The following CCDC15 variants were observed in gnomAD, a reference collection of about 807,000 sequenced individuals.
The protein encoded by CCDC15 is coiled-coil domain containing 15, also known as coiled-coil domain-containing protein 15.
In CCDC15, 105 loss-of-function variants were observed where a neutral mutation model predicts 114.5. That is an observed-to-expected ratio of 0.92 (90% CI 0.78 to 1.08). CCDC15 has a LOEUF of 1.08. Ranked by LOEUF, CCDC15 falls within the 50% of genes least tolerant of loss-of-function variation. CCDC15 has a pLI of 0.00. For missense variants in CCDC15, 1,105 were observed against 1,093.6 expected, an observed-to-expected ratio of 1.01 and a Z score of -0.15; for synonymous variants, 334 against 377.8, an observed-to-expected ratio of 0.88 and a Z score of 1.34.
At chr11:125,002,787 CTTGA>C (rs1349504971) in intron 11 of CCDC15, among the ~76,000 whole-genome samples, 1 of 151,904 alleles carries the variant, frequency 6.6e-6, no homozygotes, top group Non-Finnish European at 1.5e-5. Flanking sequence ...TACAATTTGT[CTTGA>C]TTATTATATC....
At chr11:124,965,865 A>G (rs573323879) in intron 4 of CCDC15, among the ~76,000 whole-genome samples, 1 of 152,266 alleles carries the variant, frequency 6.6e-6, no homozygotes, top group East Asian at 1.9e-4. Flanking sequence ...GGTTTCAAAG[A>G]ATATCTTTAT....
intron 13 of CCDC15, among the ~76,000 whole-genome samples, chr11:125,014,036 GAA>G (rs1948613433): frequency 1.3e-5 from 2 of 152,110 alleles, no homozygotes; most frequent in Admixed American, 6.6e-5. Flanking sequence ...AAAATGAGTG[GAA>G]AAGAGACTAA....
chr11:125,035,583 T>C (rs1948769941), intron 13 of CCDC15, among the ~76,000 whole-genome samples: 1 of 152,128 alleles, frequency 6.6e-6, no homozygotes, highest in South Asian at 2.1e-4. Context: ...TTCAATGTTA[T>C]CATTGTTAAG....
At chr11:124,991,014 C>A (rs980527483) in intron 8 of CCDC15, among the ~76,000 whole-genome samples, 1 of 152,178 alleles carries the variant, frequency 6.6e-6, no homozygotes, top group East Asian at 1.9e-4. Context: ...TTGGTTAACT[C>A]CAGAATTCTC....
chr11:124,986,700 T>TGTGTGTGTGTGTGTGTGTGCGCGCGCGC (rs878887902), intron 6 of CCDC15, 42 bp from the exon 7 acceptor site: 1 of 1,298,020 alleles, frequency 7.7e-7, no homozygotes, highest in African/African-American at 1.7e-5. Flanking sequence ...TTTGTGTGTG[T>TGTGTGTGTGTGTGTGTGTGCGCGCGCGC]GCGCGCGCGC....
Position 125,005,163 on chromosome 11 carries a change from C to G in CCDC15, c.2362C>G (p.Gln788Glu). Residue 788 changes from glutamine to glutamate, a missense_variant, in exon 13 of 16, where the codon CAA (glutamine) becomes GAA (glutamate). Physicochemically the swap from Gln to Glu is conservative, Grantham distance 29. Coordinates refer to ENST00000344762, the MANE Select transcript of CCDC15 (RefSeq NM_025004.3). ...ACTTTTCATGGATATTGAGAGAGAA[C>G]AAGTTAAAGAACAACAAAGGCAAAA... The part of the protein sequence containing the change: ...RRLFMDIERE[Q>E]VKEQQRQKEQ... 1 of 1,574,106 alleles carries G rather than the reference C, an allele frequency of 6.4e-7. No individual in the cohort carries two copies. The highest frequency in any genetic ancestry group is 8.7e-7 in the Non-Finnish European group (1 of 1,155,804).
intron 4 of CCDC15, among the ~76,000 whole-genome samples, chr11:124,973,852 A>G (rs1026499372): frequency 1.3e-5 from 2 of 152,168 alleles, no homozygotes; most frequent in Non-Finnish European, 2.9e-5. Context: ...GGGATAATTG[A>G]TATTATTAAA....
chr11:124,991,633 TA>T (rs1565370343), intron 9 of CCDC15, 50 bp downstream of exon 9: 35 of 1,480,536 alleles, frequency 2.4e-5, no homozygotes, highest in Non-Finnish European at 3.2e-5. Flanking sequence ...CCAGGTTTTA[TA>T]AATCCCAACA....
intron 11 of CCDC15, among the ~76,000 whole-genome samples, 172 bp from the exon 12 acceptor site, chr11:125,003,695 C>A (rs73620909): frequency 5.3e-5 from 8 of 151,974 alleles, no homozygotes; most frequent in Non-Finnish European, 8.8e-5. Context: ...CCTTCTGAAA[C>A]GGCTTCCTTT....
intron 11 of CCDC15, among the ~76,000 whole-genome samples, chr11:124,999,119 A>G (rs1391324594): frequency 6.6e-6 from 1 of 152,110 alleles, no homozygotes; most frequent in Non-Finnish European, 1.5e-5. Flanking sequence ...AGTCTTCGAT[A>G]GCAAATTTGT....
intron 3 of CCDC15, 82 bp from the exon 4 acceptor site, chr11:124,959,733 C>G: frequency 3.0e-6 from 1 of 334,994 alleles, no homozygotes; most frequent in Non-Finnish European, 5.3e-6. Flanking sequence ...AATTTAAAAT[C>G]TTCTGAACTG....
intron 4 of CCDC15, among the ~76,000 whole-genome samples, chr11:124,962,842 C>A (rs1320859105): frequency 1.3e-5 from 2 of 152,128 alleles, no homozygotes; most frequent in African/African-American, 2.4e-5. Context: ...ATGTTCCCAA[C>A]CCTGTGTCCA....
intron 4 of CCDC15, among the ~76,000 whole-genome samples, chr11:124,967,788 T>C (rs527967829): frequency 1.3e-5 from 2 of 152,360 alleles, no homozygotes; most frequent in East Asian, 3.9e-4. Context: ...CTTTGGTCTT[T>C]GATGATGGTG....
chr11:125,015,492 T>G (rs1032476051), intron 13 of CCDC15, among the ~76,000 whole-genome samples: 1 of 152,116 alleles, frequency 6.6e-6, no homozygotes, highest in South Asian at 2.1e-4. Flanking sequence ...TTTAATAAAA[T>G]AAACTCCTAT....
chr11:125,033,176 TC>T (rs1174333905), intron 13 of CCDC15, among the ~76,000 whole-genome samples: 1 of 152,182 alleles, frequency 6.6e-6, no homozygotes, highest in Admixed American at 6.5e-5. Context: ...TTAAAATTAG[TC>T]TTTTGTCCAC....
chr11:124,979,543 A>G (rs1948030525), intron 6 of CCDC15, among the ~76,000 whole-genome samples: 2 of 151,958 alleles, frequency 1.3e-5, no homozygotes, highest in South Asian at 2.1e-4. Flanking sequence ...TTTTGTGGCT[A>G]TTGTGAATAG....
chr11:125,006,306 A>C (rs1176782358), intron 13 of CCDC15, among the ~76,000 whole-genome samples: 1 of 152,186 alleles, frequency 6.6e-6, no homozygotes, highest in Non-Finnish European at 1.5e-5. Context: ...CACTTCCCTA[A>C]TGACATATAA....
At chr11:124,986,687 GT>G in intron 6 of CCDC15, 54 bp from the exon 7 acceptor site, 1 of 1,405,414 alleles carries the variant, frequency 7.1e-7, no homozygotes, top group Non-Finnish European at 9.5e-7. Context: ...GTGTGTGTGT[GT>G]GTTTGTGTGT....
chr11:125,021,162 G>A (rs1948658378), intron 13 of CCDC15, among the ~76,000 whole-genome samples: 2 of 151,472 alleles, frequency 1.3e-5, no homozygotes, highest in Non-Finnish European at 3.0e-5. Context: ...GTGTAGAGCA[G>A]ATGGGCCTGC....
Sources: gnomAD v4.1 joint callset for allele counts (sites outside exome capture counted in the v4.1 genomes callset) on GRCh38, gnomAD v4.1.1 for gene constraint, MANE v1.5 for transcripts, NCBI Gene and HGNC (gene_info 2026-07-23, HGNC 2026-07-21) for gene names.